Variants in NCOA2 observed in about 807,000 individuals in gnomAD.
NCOA2 encodes nuclear receptor coactivator 2.
A neutral mutation model predicts 145.1 loss-of-function variants in NCOA2; 21 were observed. The observed-to-expected ratio is 0.14, with a 90% CI of 0.10 to 0.21. NCOA2 has a LOEUF of 0.21. Among genes scored for constraint, NCOA2 ranks in the 10% least tolerant of loss-of-function variants. NCOA2 has a pLI of 1.00. For missense variants in NCOA2, 1,472 were observed against 1,837.6 expected (o/e 0.80, Z 3.64); for synonymous variants, 619 against 637.5 (o/e 0.97, Z 0.44).
Position 70,216,687 on chromosome 8 carries a change from T to C in NCOA2, c.59A>G (p.Lys20Arg). The change falls in exon 3 of 23, where the codon AAG (lysine) becomes AGG (arginine). Residue 20 changes from lysine to arginine, a missense_variant. Lys to Arg is a conservative substitution (Grantham distance 26, BLOSUM62 2). This residue lies in a region of NCOA2 where 284 missense variants were observed against 467.8 expected (regional missense o/e 0.61). Transcript: ENST00000452400. Reference protein sequence around the residue: ...DPSRAETRKRKECPDQLGPSP... With the variant: ...DPSRAETRKRRECPDQLGPSP... The stretch of plus-strand genomic sequence containing the variant: ...GGGTCCAAGTTGGTCAGGACATTCC[T>C]TGCGCTTTCTTGTCTCTGCCCTGGA... 2 of 1,613,788 alleles carry C rather than the reference T, an allele frequency of 1.2e-6. No individual in the cohort carries two copies. The highest frequency in any genetic ancestry group is 2.2e-5 in the South Asian group (2 of 91,076).
chr8:70,443,930 C>T, the NCOA2 span, among the ~76,000 whole-genome samples: 1 of 152,116 alleles, frequency 6.6e-6, no homozygotes, highest in Non-Finnish European at 1.5e-5. Context: ...TGAATCTTAG[C>T]ATTAGATAAA....
chr8:70,206,318 C>T (rs1165135418), intron 4 of NCOA2, among the ~76,000 whole-genome samples: 3 of 152,212 alleles, frequency 2.0e-5, no homozygotes, highest in Admixed American at 6.5e-5. Context: ...GTCTCTCTCA[C>T]TGTCTTTCAC....
At chr8:70,264,789 C>T (rs1396995369) in intron 2 of NCOA2, among the ~76,000 whole-genome samples, 1 of 151,836 alleles carries the variant, frequency 6.6e-6, no homozygotes, top group Admixed American at 6.6e-5. Context: ...AAATGGAATA[C>T]TGCACAACAT....
intron 21 of NCOA2, among the ~76,000 whole-genome samples, chr8:70,122,992 C>A (rs1025299162): frequency 4.6e-5 from 7 of 152,168 alleles, no homozygotes; most frequent in African/African-American, 1.7e-4. Context: ...GTAGAGTGGT[C>A]AGCATTTTGG....
In NCOA2 at chr8:70,148,557, G is replaced by A. The variant is rs1044790315; in HGVS notation, c.2395-74C>T. 3 of 1,393,424 alleles carry A rather than the reference G, an allele frequency of 2.2e-6. No individual in the cohort carries two copies. In the East Asian group the frequency reaches 7.1e-5, roughly 33 times the overall value. 86.3% of individuals were successfully genotyped at this position (1,393,424 alleles called of 1,614,324 possible). A position where few individuals can be genotyped will look rare whatever the true frequency, so the allele number is the denominator to read the frequency against. On this transcript the variant is annotated intron_variant, in intron 11 of 22. Transcript: ENST00000452400. ...CACCACAAGCCCATTTGCAATCACT[G>A]ACCTAACTGCCATAAGGCACCACAG...
intron 1 of NCOA2, among the ~76,000 whole-genome samples, chr8:70,390,598 A>G (rs1813105036): frequency 1.3e-5 from 2 of 150,146 alleles, no homozygotes; most frequent in Non-Finnish European, 3.0e-5. Context: ...CCCTATCTCT[A>G]TAGAGAAAAA....
intron 1 of NCOA2, among the ~76,000 whole-genome samples, chr8:70,370,047 G>T (rs950690526): frequency 6.6e-6 from 1 of 151,810 alleles, no homozygotes; most frequent in African/African-American, 2.4e-5. Flanking sequence ...CACCACAAAG[G>T]GCTACTTTTT....
chr8:70,238,133 T>C lies in NCOA2; in HGVS notation c.-19-21369A>G, dbSNP rs558595603. ...ACAGGTTCATGGATAACTTAGTCAA[T>C]GAATAAGCATGTGCACACGCGCGCG... On this transcript the variant is annotated intron_variant, in intron 2 of 22. Coordinates refer to ENST00000452400, the MANE Select transcript of NCOA2 (RefSeq NM_006540.4). Among the ~76,000 whole-genome samples, 15 of 152,052 alleles carry C rather than the reference T, an allele frequency of 9.9e-5. No individual in the cohort carries two copies. In the South Asian group the frequency reaches 2.1e-3, roughly 21 times the overall value.
At chr8:70,116,893 C>T (rs542923271) in intron 22 of NCOA2, among the ~76,000 whole-genome samples, 172 of 152,280 alleles carry the variant, frequency 1.1e-3, no homozygotes, top group African/African-American at 4.0e-3. Context: ...GGTGCTGTGT[C>T]GCCCAGGCTG....
At chr8:70,138,400 T>C in intron 14 of NCOA2, 68 bp from the exon 15 acceptor site, 1 of 1,396,570 alleles carries the variant, frequency 7.2e-7, no homozygotes, top group Non-Finnish European at 9.5e-7. Context: ...CTATGTAATA[T>C]AAAGTGAAAT....
At chr8:70,233,217 C>T (rs929876646) in intron 2 of NCOA2, among the ~76,000 whole-genome samples, 1 of 151,396 alleles carries the variant, frequency 6.6e-6, no homozygotes, top group South Asian at 2.1e-4. Flanking sequence ...CAGAGTGAGA[C>T]TCCGTTTAAA....
chr8:70,369,563 G>C (rs1038326246), intron 1 of NCOA2, among the ~76,000 whole-genome samples: 1 of 152,166 alleles, frequency 6.6e-6, no homozygotes, highest in African/African-American at 2.4e-5. Flanking sequence ...GGCAGCATGA[G>C]GCAGCTTTAA....
At chr8:70,421,866 G>A in the NCOA2 span, among the ~76,000 whole-genome samples, 3 of 152,032 alleles carry the variant, frequency 2.0e-5, no homozygotes, top group Admixed American at 2.0e-4. Context: ...AGGCTGAGGA[G>A]GGTGGATCAC....
At position 70,116,737 on chromosome 8, in the gene NCOA2, T is replaced by C. The variant is rs930714189; in HGVS notation, c.4384-3094A>G. On this transcript the variant is annotated intron_variant, in intron 22 of 22. Transcript: ENST00000452400. ...TATACAGATTATTCTCTAAAGCAAA[T>C]GAGTCTCTATGACGGACTGTTCTCT... Among the ~76,000 whole-genome samples, 18 of 152,264 alleles carry C rather than the reference T, an allele frequency of 1.2e-4. No homozygotes were observed. The East Asian group carries it at 3.1e-3, about 26-fold the overall frequency.
At chr8:70,377,515 T>C (rs1811789713) in intron 1 of NCOA2, among the ~76,000 whole-genome samples, 1 of 152,184 alleles carries the variant, frequency 6.6e-6, no homozygotes, top group South Asian at 2.1e-4. Context: ...GCCATCTTTC[T>C]AAGCAAAATA....
At chr8:70,164,158 G>C (rs544908375) in intron 7 of NCOA2, among the ~76,000 whole-genome samples, 2 of 152,226 alleles carry the variant, frequency 1.3e-5, no homozygotes, top group East Asian at 1.9e-4. Flanking sequence ...GCGTGCACCA[G>C]AACAGCTGCA....
At chr8:70,251,621 TG>T (rs1563682079) in intron 2 of NCOA2, among the ~76,000 whole-genome samples, 1 of 152,244 alleles carries the variant, frequency 6.6e-6, no homozygotes, top group Non-Finnish European at 1.5e-5. Flanking sequence ...AGAACCCTAA[TG>T]GTCTATCCAG....
At chr8:70,275,514 CTACT>C (rs1180124402) in intron 2 of NCOA2, among the ~76,000 whole-genome samples, 1 of 151,806 alleles carries the variant, frequency 6.6e-6, no homozygotes. Context: ...TGATCAACTC[CTACT>C]TAAATTATTT....
intron 21 of NCOA2, 60 bp from the exon 22 acceptor site, chr8:70,121,451 A>G: frequency 7.4e-7 from 1 of 1,360,470 alleles, no homozygotes; most frequent in South Asian, 1.2e-5. Context: ...AGTGCACTGG[A>G]AAACAAGTGG....
Sources: gnomAD v4.1 joint callset for allele counts (sites outside exome capture counted in the v4.1 genomes callset) on GRCh38, gnomAD v4.1.1 for gene constraint, gnomAD v4.1.1 regional missense constraint, MANE v1.5 for transcripts, NCBI Gene and HGNC (gene_info 2026-07-23, HGNC 2026-07-21) for gene names.